ELF1: variants seen among roughly 807,000 people sequenced by gnomAD.
ELF1 encodes the protein E74 like ETS transcription factor 1.
In ELF1, 24 loss-of-function variants were observed where a neutral mutation model predicts 59.9. That is an observed-to-expected ratio of 0.40 (90% CI 0.29 to 0.56). The LOEUF is 0.56. Among genes scored for constraint, ELF1 ranks in the 20% least tolerant of loss-of-function variants. The probability of loss-of-function intolerance (pLI) is 0.44; values close to 1 mark genes in which losing one functional copy is unlikely to be tolerated. For missense variants in ELF1, 627 were observed against 742.2 expected, an observed-to-expected ratio of 0.84 and a Z score of 1.80; for synonymous variants, 248 against 266.2, an observed-to-expected ratio of 0.93 and a Z score of 0.67.
chr13:40,976,092 T>C (rs1417669876), intron 2 of ELF1, among the ~76,000 whole-genome samples: 2 of 152,238 alleles, frequency 1.3e-5, no homozygotes, highest in East Asian at 1.9e-4. Flanking sequence ...AAAGTATGCT[T>C]TGTTCTAAAA....
chr13:40,981,333 T>A (rs1473254102), intron 2 of ELF1, among the ~76,000 whole-genome samples: 1 of 151,690 alleles, frequency 6.6e-6, no homozygotes, highest in Non-Finnish European at 1.5e-5. Context: ...AGTTCTTTTG[T>A]GTGTGTGTGT....
chr13:40,937,438 C>T (rs1869855154), intron 8 of ELF1, among the ~76,000 whole-genome samples: 1 of 152,158 alleles, frequency 6.6e-6, no homozygotes, highest in African/African-American at 2.4e-5. Flanking sequence ...TAACGTGATT[C>T]AATTTCACAT....
At chr13:41,004,351 A>C (rs889563193) in intron 1 of ELF1, among the ~76,000 whole-genome samples, 3 of 152,006 alleles carry the variant, frequency 2.0e-5, no homozygotes, top group Non-Finnish European at 2.9e-5. Context: ...CATGAAAGGA[A>C]AGGGGGTGGG....
chr13:41,027,747 A>G (rs563835681), intron 1 of ELF1, among the ~76,000 whole-genome samples: 1 of 152,308 alleles, frequency 6.6e-6, no homozygotes, highest in Non-Finnish European at 1.5e-5. Flanking sequence ...GCTTCTGACC[A>G]TGGAACTTAT....
chr13:41,012,545 C>CTTTTT (rs574593869), intron 1 of ELF1, among the ~76,000 whole-genome samples: 1 of 126,562 alleles, frequency 7.9e-6, no homozygotes, highest in African/African-American at 3.0e-5. Context: ...CTTTTCTTTT[C>CTTTTT]TTTTTTTTTT....
At chr13:41,010,042 T>G (rs985538628) in intron 1 of ELF1, among the ~76,000 whole-genome samples, 5 of 146,456 alleles carry the variant, frequency 3.4e-5, no homozygotes, top group Non-Finnish European at 6.0e-5. Context: ...TTTCTCAGAA[T>G]AGCATATTGA....
At chr13:40,950,683 C>T (rs1276493415) in intron 4 of ELF1, among the ~76,000 whole-genome samples, 2 of 152,220 alleles carry the variant, frequency 1.3e-5, no homozygotes, top group African/African-American at 4.8e-5. Context: ...CGCTATCACT[C>T]TTGTGGCCTT....
chr13:40,966,019 G>A (rs2138218252), intron 2 of ELF1, among the ~76,000 whole-genome samples: 1 of 152,358 alleles, frequency 6.6e-6, no homozygotes, highest in African/African-American at 2.4e-5. Context: ...CATTCCCTAA[G>A]TTGAGTCAGC....
chr13:40,942,890 T>C, intron 7 of ELF1, 62 bp downstream of exon 7: 5 of 1,190,176 alleles, frequency 4.2e-6, no homozygotes, highest in Non-Finnish European at 5.6e-6. Flanking sequence ...AAGCTTAGTA[T>C]TTTTTTTTAC....
At chr13:41,039,987 C>T (rs1876539434) in intron 1 of ELF1, among the ~76,000 whole-genome samples, 1 of 152,070 alleles carries the variant, frequency 6.6e-6, no homozygotes, top group Non-Finnish European at 1.5e-5. Flanking sequence ...CATTTTTCAC[C>T]TACTAAATTA....
chr13:40,985,210 C>T (rs746383278), intron 1 of ELF1, among the ~76,000 whole-genome samples: 1 of 152,198 alleles, frequency 6.6e-6, no homozygotes, highest in Non-Finnish European at 1.5e-5. Flanking sequence ...TACTTATATA[C>T]TCTTCTGCAT....
intron 1 of ELF1, among the ~76,000 whole-genome samples, chr13:41,041,526 T>C (rs757976718): frequency 2.6e-5 from 4 of 151,952 alleles, no homozygotes; most frequent in African/African-American, 4.8e-5. Flanking sequence ...CACAGAAAGA[T>C]TAGCCGGGTG....
intron 1 of ELF1, among the ~76,000 whole-genome samples, chr13:40,988,437 A>G (rs1055570668): frequency 6.6e-6 from 1 of 152,248 alleles, no homozygotes; most frequent in Non-Finnish European, 1.5e-5. Flanking sequence ...ATCTGGAAAA[A>G]TAAGAAATCC....
intron 1 of ELF1, among the ~76,000 whole-genome samples, chr13:41,049,796 G>C (rs1386745893): frequency 6.6e-6 from 1 of 152,176 alleles, no homozygotes; most frequent in African/African-American, 2.4e-5. Flanking sequence ...TGCCATGCGT[G>C]TACACTTAAG....
intron 3 of ELF1, among the ~76,000 whole-genome samples, chr13:40,954,236 T>TA (rs971283980): frequency 1.3e-5 from 2 of 152,000 alleles, no homozygotes; most frequent in African/African-American, 4.8e-5. Context: ...AATGCTTTGT[T>TA]AAAAAAAAGG....
chr13:41,045,993 G>A (rs1876827948), intron 1 of ELF1, among the ~76,000 whole-genome samples: 1 of 152,172 alleles, frequency 6.6e-6, no homozygotes, highest in African/African-American at 2.4e-5. Flanking sequence ...ATATATTTAG[G>A]ATAGTTAGCT....
chr13:40,948,313 C>T (rs145380355), intron 5 of ELF1, among the ~76,000 whole-genome samples: 2 of 152,348 alleles, frequency 1.3e-5, no homozygotes, highest in East Asian at 3.9e-4. Context: ...TGACATCTGT[C>T]TGTGCCAATG....
intron 8 of ELF1, among the ~76,000 whole-genome samples, chr13:40,940,408 A>C (rs9566630): frequency 0.013 from 1,945 of 147,616 alleles, 36 homozygotes; most frequent in East Asian, 0.042. Context: ...AAAAAAAAAA[A>C]AAAAAAAAAA....
chr13:41,016,572 T>C (rs4942015), intron 1 of ELF1, among the ~76,000 whole-genome samples: 150,294 of 152,218 alleles, frequency 0.99, 74,218 homozygotes, highest in East Asian at 1. Flanking sequence ...CATACACATA[T>C]TTTAGTATAA....
Sources: allele counts gnomAD v4.1 joint callset (sites outside exome capture counted in the v4.1 genomes callset), GRCh38; gene constraint gnomAD v4.1.1; transcripts MANE v1.5; gene names NCBI Gene and HGNC (gene_info 2026-07-23, HGNC 2026-07-21).